The following RIF1 variants were observed in gnomAD, a reference collection of about 807,000 sequenced individuals.
RIF1 encodes the protein telomere-associated protein RIF1.
A neutral mutation model predicts 247.1 loss-of-function variants in RIF1; 45 were observed. That is an observed-to-expected ratio of 0.18 (90% CI 0.14 to 0.23). RIF1 has a LOEUF of 0.23. Among genes scored for constraint, RIF1 ranks in the 10% least tolerant of loss-of-function variants. The probability of loss-of-function intolerance (pLI) is 1.00; values close to 1 mark genes in which losing one functional copy is unlikely to be tolerated. For missense variants in RIF1, 2,967 were observed against 2,862.5 expected, an observed-to-expected ratio of 1.04 and a Z score of -0.83; for synonymous variants, 1,087 against 978.8, an observed-to-expected ratio of 1.11 and a Z score of -2.06.
the RIF1 span, among the ~76,000 whole-genome samples, chr2:151,517,809 A>C: frequency 6.6e-6 from 1 of 152,360 alleles, no homozygotes; most frequent in African/African-American, 2.4e-5. Context: ...GTACACCTGC[A>C]TAGGGTAGCT....
intron 9 of RIF1, chr2:151,494,201 T>C: frequency 3.7e-6 from 6 of 1,608,642 alleles, no homozygotes; most frequent in Non-Finnish European, 5.1e-6. Context: ...TCTCTGCATC[T>C]CAGGAGTGAC....
At chr2:151,417,963 A>G (rs959434052) in intron 6 of RIF1, among the ~76,000 whole-genome samples, 85 of 152,144 alleles carry the variant, frequency 5.6e-4, no homozygotes, top group Non-Finnish European at 4.4e-5. Context: ...TGTGTACCTA[A>G]ACATAGAAAA....
At chr2:151,410,318 C>A in intron 1 of RIF1, 96 bp from the exon 2 acceptor site, 2 of 911,396 alleles carry the variant, frequency 2.2e-6, no homozygotes, top group South Asian at 1.5e-5. Context: ...GAGGCCCGGG[C>A]GGGCGTGCGG....
chr2:151,430,245 T>A (rs1689840431), intron 9 of RIF1, among the ~76,000 whole-genome samples: 1 of 152,084 alleles, frequency 6.6e-6, no homozygotes, highest in Non-Finnish European at 1.5e-5. Context: ...ATGGTCTTGA[T>A]CCCCTGACCT....
downstream of RIF1, among the ~76,000 whole-genome samples, chr2:151,511,978 C>T (rs546139292): frequency 1.9e-4 from 29 of 149,278 alleles, no homozygotes; most frequent in African/African-American, 6.9e-4. Context: ...AAGAGTTCTT[C>T]ACTACCTTAA....
In RIF1 at chr2:151,503,506, CAT is replaced by C. The variant is rs547728786; in HGVS notation, c.*861+322_*861+323del. On this transcript the variant is annotated intron_variant and NMD_transcript_variant, in intron 12 of 13. Coordinates refer to the RIF1 transcript ENST00000454583. ...CCGTAAATCCTTTAGATAGCAGCCA[CAT>C]GTGGGCTATTTGGGGGAAACTCATA... The C allele has an allele frequency of 9.8e-4, 1,046 of 1,072,470 alleles. 3 individuals carry two copies. The highest frequency in any genetic ancestry group is 1.3e-3 in the Non-Finnish European group (892 of 698,226). 66.4% of individuals were successfully genotyped at this position (1,072,470 alleles called of 1,614,324 possible). A position where few individuals can be genotyped will look rare whatever the true frequency, so the allele number is the denominator to read the frequency against.
At chr2:151,459,391 AGC>A (rs1250480728) in intron 25 of RIF1, among the ~76,000 whole-genome samples, 5 of 152,190 alleles carry the variant, frequency 3.3e-5, no homozygotes, top group African/African-American at 1.2e-4. Flanking sequence ...TAGACTTGTG[AGC>A]TAGAGTGTTC....
intron 10 of RIF1, among the ~76,000 whole-genome samples, chr2:151,435,085 T>C (rs111383567): frequency 0.015 from 2,290 of 152,280 alleles, 70 homozygotes; most frequent in African/African-American, 0.052. Context: ...GGCTAATTCT[T>C]TGCATTTGTC....
chr2:151,506,613 A>T (rs181400452), intron 13 of RIF1, among the ~76,000 whole-genome samples: 2 of 152,186 alleles, frequency 1.3e-5, no homozygotes, highest in Non-Finnish European at 1.5e-5. Context: ...GGATAACAAA[A>T]GAAATCACAA....
At position 151,474,937 on chromosome 2, in the gene RIF1, G is replaced by A. The variant is rs1335179847; in HGVS notation, c.7285G>A (p.Asp2429Asn). 6.2e-7 allele frequency: 1 copy of A among 1,610,344 alleles called. No individual in the cohort carries two copies. Among genetic ancestry groups the A allele is most frequent in the Admixed American group, 1.7e-5 (1 of 59,986 alleles). ...GATTAGTGCTCTTGCTCTTCAGCTG[G>A]ATTCAGAAGATCTTCATAATTATTC... ...AQISALALQL[D>N]SEDLHNYSGS... The change falls in exon 36 of 36, where the codon GAT (aspartate) becomes AAT (asparagine). Residue 2429 changes from aspartate to asparagine, a missense_variant. Physicochemically the swap from Asp to Asn is conservative, Grantham distance 23. Coordinates refer to ENST00000444746, the MANE Select transcript of RIF1 (RefSeq NM_018151.5).
chr2:151,412,002 A>C (rs905610568), intron 3 of RIF1, among the ~76,000 whole-genome samples: 1 of 152,226 alleles, frequency 6.6e-6, no homozygotes, highest in East Asian at 1.9e-4. Flanking sequence ...CCTTTTGGGA[A>C]TCTACATCTA....
chr2:151,505,691 G>C (rs763366939), intron 12 of RIF1: 38 of 787,402 alleles, frequency 4.8e-5, no homozygotes, highest in African/African-American at 8.5e-5. Context: ...AATAACGCAG[G>C]CTTTATACTT....
At position 151,464,972 on chromosome 2, in the gene RIF1, T is replaced by G; in HGVS notation, c.5452T>G (p.Ser1818Ala). 1 of 1,574,108 alleles carries G rather than the reference T, an allele frequency of 6.4e-7. No individual in the cohort carries two copies. Among genetic ancestry groups the G allele is most frequent in the Non-Finnish European group, 8.6e-7 (1 of 1,168,280 alleles). Reference protein sequence around the residue: ...NDSLIVSETKSKENTMQESLP... With the variant: ...NDSLIVSETKAKENTMQESLP... ...TTCATTAATTGTTTCTGAAACCAAA[T>G]CAAAAGAAAACACTATGCAAGAATC... The change falls in exon 30 of 36, where the codon TCA (serine) becomes GCA (alanine). Residue 1818 changes from serine (S) to alanine (A), a missense_variant. Physicochemically the swap from Ser to Ala is moderately conservative, Grantham distance 99 (BLOSUM62 1). This residue lies in a region of RIF1 where 2,028 missense variants were observed against 1,825.6 expected (regional missense o/e 1.11). Transcript: ENST00000444746.
At position 151,438,760 on chromosome 2, in the gene RIF1, CA is replaced by C; in HGVS notation, c.1546+15del. 6.4e-7 allele frequency: 1 copy of C among 1,568,800 alleles called. No homozygotes were observed. The highest frequency in any genetic ancestry group is 8.8e-7 in the Non-Finnish European group (1 of 1,138,868). On this transcript the variant is annotated intron_variant, in intron 14 of 35. Coordinates refer to ENST00000444746, the MANE Select transcript of RIF1 (RefSeq NM_018151.5). ...TTACTGAATCAGGTAAGCACTATTA[CA>C]CTGATCAAATGTTGTTTTTTGAAAC...
At chr2:151,525,188 A>G in the RIF1 span, 11 of 1,613,908 alleles carry the variant, frequency 6.8e-6, no homozygotes, top group Non-Finnish European at 7.6e-6. Context: ...GGCCACTTCC[A>G]TAGCATGTTT....
At chr2:151,492,351 A>G (rs2057282532) in intron 9 of RIF1, 1 of 1,589,152 alleles carries the variant, frequency 6.3e-7, no homozygotes, top group Non-Finnish European at 8.6e-7. Flanking sequence ...ACATTCTGAC[A>G]GGCAGCCAGC....
rs950393789 is a variant in RIF1 at position 151,463,245 on chromosome 2, A to G, written c.3725A>G (p.Asn1242Ser). Residue 1242 changes from asparagine to serine, a missense_variant, in exon 30 of 36, where the codon AAT becomes AGT. Coordinates refer to ENST00000444746, the MANE Select transcript of RIF1 (RefSeq NM_018151.5). ...CCTTTTAGTCCATCCCCCTTGAATA[A>G]TATTTCATCAACTGTTACAGTGAAA... ...NRPFSPSPLNNISSTVTVKNN... is the reference protein window; with the variant it reads ...NRPFSPSPLNSISSTVTVKNN... The G allele has an allele frequency of 6.2e-7, 1 of 1,613,732 alleles. No individual in the cohort carries two copies.
intron 14 of RIF1, among the ~76,000 whole-genome samples, chr2:151,439,649 A>G (rs550273508): frequency 1.3e-5 from 2 of 149,818 alleles, no homozygotes; most frequent in South Asian, 2.1e-4. Context: ...AGCCTGGGCA[A>G]TAAGAGTGAA....
chr2:151,502,322 A>AACTT (rs2065257606), intron 11 of RIF1, among the ~76,000 whole-genome samples: 1 of 152,150 alleles, frequency 6.6e-6, no homozygotes, highest in Non-Finnish European at 1.5e-5. Context: ...ACCACTAAAG[A>AACTT]ACTTAGTAAC....
Sources: allele counts gnomAD v4.1 joint callset (sites outside exome capture counted in the v4.1 genomes callset), GRCh38; gene constraint gnomAD v4.1.1; regional missense constraint gnomAD v4.1.1; transcripts MANE v1.5; gene names NCBI Gene and HGNC (gene_info 2026-07-23, HGNC 2026-07-21).